ALDH1A1: variants seen among roughly 807,000 people sequenced by gnomAD.
The protein encoded by ALDH1A1 is aldehyde dehydrogenase 1A1.
In ALDH1A1, 19 loss-of-function variants were observed where a neutral mutation model predicts 62.1. That is an observed-to-expected ratio of 0.31 (90% CI 0.21 to 0.45). ALDH1A1 has a LOEUF of 0.45. ALDH1A1 is among the 20% of genes least tolerant of loss of function. ALDH1A1 has a pLI of 1.00. For missense variants in ALDH1A1, 521 were observed against 607.1 expected, an observed-to-expected ratio of 0.86 and a Z score of 1.49; for synonymous variants, 231 against 215.9, an observed-to-expected ratio of 1.07 and a Z score of -0.61.
At chr9:72,942,356 A>G in intron 1 of ALDH1A1, 6 of 985,312 alleles carry the variant, frequency 6.1e-6, no homozygotes, top group Non-Finnish European at 7.2e-6. Flanking sequence ...AAAGTTCTGA[A>G]GCTTGCTCAT....
chr9:72,934,947 A>C (rs533902862), intron 2 of ALDH1A1, among the ~76,000 whole-genome samples: 7 of 147,388 alleles, frequency 4.7e-5, no homozygotes, highest in African/African-American at 1.7e-4. Flanking sequence ...ATATACTGCT[A>C]TTTGTTTTGT....
rs1829998844 is a variant in ALDH1A1 at position 72,912,085 on chromosome 9, A to G, written c.1073T>C (p.Ile358Thr). 1.2e-6 allele frequency: 2 copies of G among 1,613,692 alleles called. No individual in the cohort carries two copies. The highest frequency in any genetic ancestry group is 1.7e-6 in the Non-Finnish European group (2 of 1,179,714). The change falls in exon 10 of 13, where the codon ATT (isoleucine) becomes ACT (threonine). Residue 358 changes from isoleucine (I) to threonine (T), a missense_variant. Physicochemically the swap from Ile to Thr is moderately conservative, Grantham distance 89. Coordinates refer to ENST00000297785, the MANE Select transcript of ALDH1A1 (RefSeq NM_000689.5). Reference protein sequence around the residue: ...KEQYDKILDLIESGKKEGAKL... With the variant: ...KEQYDKILDLTESGKKEGAKL... ...GGCCCCTTCTTTCTTCCCACTCTCA[A>G]TGAGGTCAAGTATTTTATCATATTG...
At chr9:72,946,206 G>A (rs549745692) in intron 1 of ALDH1A1, among the ~76,000 whole-genome samples, 3 of 151,986 alleles carry the variant, frequency 2.0e-5, no homozygotes, top group Non-Finnish European at 2.9e-5. Flanking sequence ...AGAATTGCTC[G>A]CATGTAAGCC....
intron 1 of ALDH1A1, among the ~76,000 whole-genome samples, chr9:72,949,222 C>T (rs1303917399): frequency 6.6e-6 from 1 of 151,924 alleles, no homozygotes; most frequent in Non-Finnish European, 1.5e-5. Context: ...AACCTATTTC[C>T]TTTCAATTTC....
intron 1 of ALDH1A1, among the ~76,000 whole-genome samples, chr9:72,949,037 C>A (rs556276031): frequency 2.6e-5 from 4 of 151,794 alleles, no homozygotes; most frequent in Non-Finnish European, 5.9e-5. Flanking sequence ...ATCTCTTTAA[C>A]CCAGAAGGGT....
intron 9 of ALDH1A1, among the ~76,000 whole-genome samples, chr9:72,913,958 A>T (rs564965116): frequency 1.0e-3 from 154 of 152,324 alleles, no homozygotes; most frequent in African/African-American, 3.6e-3. Flanking sequence ...ACAAATACAG[A>T]CCTTCTTCAG....
chr9:72,931,103 G>T, intron 2 of ALDH1A1, 84 bp from the exon 3 acceptor site: 1 of 1,493,562 alleles, frequency 6.7e-7, no homozygotes, highest in East Asian at 2.3e-5. Flanking sequence ...AAAATAGACT[G>T]TAGTGCCTCA....
intron 8 of ALDH1A1, among the ~76,000 whole-genome samples, chr9:72,918,305 C>T (rs1830088839): frequency 6.6e-6 from 1 of 151,838 alleles, no homozygotes; most frequent in Admixed American, 6.6e-5. Flanking sequence ...AGTGTATGAC[C>T]CAGAGTGAAG....
intron 4 of ALDH1A1, among the ~76,000 whole-genome samples, chr9:72,928,666 T>C (rs1160127880): frequency 6.6e-6 from 1 of 152,230 alleles, no homozygotes; most frequent in Non-Finnish European, 1.5e-5. Context: ...TTTTCTAAAA[T>C]ATCTATAATG....
intron 2 of ALDH1A1, among the ~76,000 whole-genome samples, chr9:72,938,662 G>A (rs915161344): frequency 2.6e-5 from 4 of 151,810 alleles, no homozygotes; most frequent in African/African-American, 9.7e-5. Context: ...GGCCAGAATG[G>A]TCTCAATCTC....
intron 12 of ALDH1A1, among the ~76,000 whole-genome samples, chr9:72,904,797 A>G (rs1031180966): frequency 1.3e-5 from 2 of 151,886 alleles, no homozygotes; most frequent in African/African-American, 4.8e-5. Flanking sequence ...TTGCTTCTCT[A>G]CCTCCATAGG....
chr9:72,927,237 G>A (rs1208668302), intron 4 of ALDH1A1, 60 bp from the exon 5 acceptor site: 1 of 1,304,084 alleles, frequency 7.7e-7, no homozygotes, highest in Non-Finnish European at 1.1e-6. Context: ...TCACAAAATG[G>A]TGGTTGGTGA....
chr9:72,907,396 G>T (rs917427561), intron 11 of ALDH1A1, among the ~76,000 whole-genome samples: 1 of 152,168 alleles, frequency 6.6e-6, no homozygotes, highest in African/African-American at 2.4e-5. Context: ...GTAGTAACAA[G>T]ATGGTCCCCT....
chr9:72,941,553 A>C (rs1185124259), intron 1 of ALDH1A1, among the ~76,000 whole-genome samples: 1 of 152,146 alleles, frequency 6.6e-6, no homozygotes, highest in African/African-American at 2.4e-5. Flanking sequence ...CCTTCCATCA[A>C]GGGCTGTGTA....
intron 1 of ALDH1A1, among the ~76,000 whole-genome samples, chr9:72,950,701 T>C (rs1414836028): frequency 6.6e-6 from 1 of 151,684 alleles, no homozygotes; most frequent in Admixed American, 6.6e-5. Context: ...ACAACCAATA[T>C]ACTTCTAGCT....
At chr9:72,922,198 A>G (rs1034064956) in intron 7 of ALDH1A1, among the ~76,000 whole-genome samples, 2 of 152,190 alleles carry the variant, frequency 1.3e-5, no homozygotes, top group Admixed American at 6.6e-5. Context: ...TCATTAGCTC[A>G]TTTAATTGTA....
chr9:72,926,179 T>G (rs892325233), intron 5 of ALDH1A1, among the ~76,000 whole-genome samples: 2 of 152,164 alleles, frequency 1.3e-5, no homozygotes. Flanking sequence ...ATAATAGTCC[T>G]CTCTGCCTCA....
At chr9:72,937,982 C>A (rs998742085) in intron 2 of ALDH1A1, among the ~76,000 whole-genome samples, 1 of 152,106 alleles carries the variant, frequency 6.6e-6, no homozygotes, top group South Asian at 2.1e-4. Flanking sequence ...TTGTTTTCAT[C>A]ATACTGAAAT....
chr9:72,930,539 ATATAT>A (rs1830268007), intron 3 of ALDH1A1, among the ~76,000 whole-genome samples: 1 of 152,132 alleles, frequency 6.6e-6, no homozygotes, highest in South Asian at 2.1e-4. Context: ...AATAAACCTA[ATATAT>A]CATTCTAGGA....
Sources: allele counts gnomAD v4.1 joint callset (sites outside exome capture counted in the v4.1 genomes callset), GRCh38; gene constraint gnomAD v4.1.1; transcripts MANE v1.5; gene names NCBI Gene and HGNC (gene_info 2026-07-23, HGNC 2026-07-21).